Variants in CHM observed in about 807,000 individuals in gnomAD.
CHM encodes rab proteins geranylgeranyltransferase component A 1.
Under a neutral mutation model 49.0 loss-of-function variants are expected in CHM, and 10 were observed. The observed-to-expected ratio is 0.20, with a 90% CI of 0.13 to 0.35. The LOEUF (loss-of-function observed/expected upper bound fraction) is 0.35. CHM is among the 10% of genes least tolerant of loss of function. CHM has a pLI of 1.00. For synonymous variants in CHM, 184 were observed against 167.5 expected (o/e 1.10, Z -0.76); for missense variants, 455 against 478.4 (o/e 0.95, Z 0.46).
intron 12 of CHM, among the ~76,000 whole-genome samples, chrX:85,893,379 A>G (rs1925606375): frequency 8.9e-6 from 1 of 112,119 alleles, no homozygotes; most frequent in Non-Finnish European, 1.9e-5. Flanking sequence ...AGTAGTCCTT[A>G]ACTTTAGTCT....
At chrX:86,045,801 T>C (rs1263663161) in intron 1 of CHM, among the ~76,000 whole-genome samples, 2 of 112,108 alleles carry the variant, frequency 1.8e-5, no homozygotes, top group African/African-American at 6.5e-5. Context: ...ATTAAAAAAA[T>C]TGTTAAAAAC....
intron 2 of CHM, among the ~76,000 whole-genome samples, chrX:86,023,832 A>G (rs1933706481): frequency 9.0e-6 from 1 of 111,631 alleles, no homozygotes; most frequent in African/African-American, 3.3e-5. Context: ...AAAATCATAC[A>G]CACAAATATG....
At chrX:85,911,137 A>ATATATATATATATATATATATG (rs1926915422) in intron 9 of CHM, 124 bp downstream of exon 9, 2 of 3,901 alleles carry the variant, frequency 5.1e-4, no homozygotes, top group African/African-American at 7.7e-4. Flanking sequence ...ATGTATATAT[A>ATATATATATATATATATATATG]TATATATATA....
chrX:85,889,815 G>T (rs1925325802), intron 12 of CHM, among the ~76,000 whole-genome samples: 1 of 112,015 alleles, frequency 8.9e-6, no homozygotes, highest in African/African-American at 3.2e-5. Flanking sequence ...CCAATCAACG[G>T]TGGACTGGAT....
At chrX:85,972,450 C>CGGAGG (rs910384273) in intron 4 of CHM, among the ~76,000 whole-genome samples, 1 of 112,926 alleles carries the variant, frequency 8.9e-6, no homozygotes, top group African/African-American at 3.2e-5. Flanking sequence ...CAGGAACCCA[C>CGGAGG]GGTGGCGGGG....
intron 1 of CHM, among the ~76,000 whole-genome samples, chrX:86,047,032 G>A (rs773148696): frequency 2.8e-4 from 31 of 111,613 alleles, no homozygotes; most frequent in Admixed American, 2.3e-3. Flanking sequence ...CTGTGTCTGA[G>A]CTGCGATGTA....
intron 8 of CHM, among the ~76,000 whole-genome samples, chrX:85,913,125 G>A (rs1410484391): frequency 1.1e-5 from 1 of 89,403 alleles, no homozygotes; most frequent in Non-Finnish European, 2.2e-5. Context: ...AGGAGTTCGA[G>A]ACCAGCCCGG....
chrX:86,027,633 T>C, intron 1 of CHM, 76 bp from the exon 2 acceptor site: 2 of 854,709 alleles, frequency 2.3e-6, no homozygotes, highest in Non-Finnish European at 3.5e-6. Flanking sequence ...ATACATGCCA[T>C]TGCTGTATAG....
intron 8 of CHM, among the ~76,000 whole-genome samples, chrX:85,912,861 A>G (rs1927116294): frequency 1.8e-5 from 2 of 108,232 alleles, no homozygotes; most frequent in African/African-American, 6.8e-5. Flanking sequence ...TAAAAATACA[A>G]AATTAGCCAG....
chrX:86,000,723 T>C (rs1208386919), intron 2 of CHM, among the ~76,000 whole-genome samples: 1 of 111,076 alleles, frequency 9.0e-6, no homozygotes, highest in African/African-American at 3.3e-5. Context: ...GAGGTCATTA[T>C]GTTTAGTGAA....
intron 5 of CHM, among the ~76,000 whole-genome samples, chrX:85,960,808 G>A (rs1448289738): frequency 9.0e-6 from 1 of 111,319 alleles, no homozygotes. Flanking sequence ...TACAATAATG[G>A]AAATTAGATT....
chrX:85,990,482 A>G (rs1932127267), intron 2 of CHM, among the ~76,000 whole-genome samples: 1 of 111,806 alleles, frequency 8.9e-6, no homozygotes, highest in Non-Finnish European at 1.9e-5. Context: ...GCAGACATAA[A>G]AGTTTTAAAA....
chrX:86,025,775 A>G (rs1933784991), intron 2 of CHM, among the ~76,000 whole-genome samples: 1 of 111,083 alleles, frequency 9.0e-6, no homozygotes. Context: ...AACTAAAATT[A>G]TACATGTTAG....
chrX:85,899,521 T>C (rs765108911), intron 11 of CHM, among the ~76,000 whole-genome samples: 1 of 111,116 alleles, frequency 9.0e-6, no homozygotes, highest in South Asian at 3.8e-4. Flanking sequence ...ATAAATCTGT[T>C]ATATAAGATG....
intron 3 of CHM, among the ~76,000 whole-genome samples, chrX:85,981,066 G>T (rs761023863): frequency 9.3e-6 from 1 of 107,510 alleles, no homozygotes; most frequent in Non-Finnish European, 1.9e-5. Context: ...ACCAGTAAAT[G>T]TGAGATTTTA....
At position 85,862,022 on chromosome X, in the gene CHM, TAC is replaced by T. The variant is rs1923376345; in HGVS notation, c.*2606_*2607del. The stretch of plus-strand genomic sequence containing the variant: ...TCAAAGCTCTAAGAATAATTTCTGT[TAC>T]ATTTTGAGGCAACAGGAAATATATA... On this transcript the variant is annotated 3_prime_UTR_variant, in exon 15 of 15. Coordinates refer to ENST00000357749, the MANE Select transcript of CHM (RefSeq NM_000390.4). The T allele has an allele frequency of 8.9e-6, 1 of 112,467 alleles. No individual in the cohort carries two copies. The highest frequency in any genetic ancestry group is 1.9e-5 in the Non-Finnish European group (1 of 53,287). 9.3% of individuals were successfully genotyped at this position (112,467 alleles called of 1,213,427 possible).
intron 6 of CHM, 84 bp from the exon 7 acceptor site, chrX:85,958,059 A>G (rs1569425345): frequency 5.2e-5 from 57 of 1,099,730 alleles, no homozygotes; most frequent in Non-Finnish European, 6.7e-5. Flanking sequence ...CCCTTTACAT[A>G]TAACAGGATT....
intron 3 of CHM, among the ~76,000 whole-genome samples, chrX:85,980,866 G>GA (rs1253341059): frequency 2.7e-5 from 3 of 110,032 alleles, no homozygotes; most frequent in Non-Finnish European, 3.8e-5. Flanking sequence ...CCTACTCTTA[G>GA]AAAAAAAATT....
intron 2 of CHM, among the ~76,000 whole-genome samples, chrX:85,997,346 T>C (rs753505715): frequency 2.7e-5 from 3 of 111,531 alleles, no homozygotes; most frequent in Non-Finnish European, 5.6e-5. Context: ...CATAGTCTGT[T>C]TTATTGTTCA....
Sources: allele counts gnomAD v4.1 joint callset (sites outside exome capture counted in the v4.1 genomes callset), GRCh38; gene constraint gnomAD v4.1.1; transcripts MANE v1.5; gene names NCBI Gene and HGNC (gene_info 2026-07-23, HGNC 2026-07-21).